The following NCAM2 variants were observed in gnomAD, a reference collection of about 807,000 sequenced individuals.
The protein encoded by NCAM2 is neural cell adhesion molecule 2.
NCAM2 carries 30 observed loss-of-function variants against 98.1 expected under a neutral mutation model. That is an observed-to-expected ratio of 0.31 (90% CI 0.23 to 0.41). The LOEUF (loss-of-function observed/expected upper bound fraction) is 0.41. Ranked by LOEUF, NCAM2 falls within the 10% of genes least tolerant of loss-of-function variation. The pLI is 1.00. For missense variants in NCAM2, 867 were observed against 1,005.8 expected (o/e 0.86, Z 1.87); for synonymous variants, 368 against 342.4 (o/e 1.07, Z -0.83).
chr21:21,514,472 CAAAAAAAAAAAAA>C (rs56710788), intron 16 of NCAM2, among the ~76,000 whole-genome samples: 1 of 127,666 alleles, frequency 7.8e-6, no homozygotes, highest in African/African-American at 3.0e-5. Flanking sequence ...TCTCAAAAAA[CAAAAAAAAAAAAA>C]AAAAAAAAAA....
At chr21:21,055,456 T>G (rs1203342419) in intron 1 of NCAM2, among the ~76,000 whole-genome samples, 1 of 152,070 alleles carries the variant, frequency 6.6e-6, no homozygotes, top group African/African-American at 2.4e-5. Flanking sequence ...TAATGACAGT[T>G]TTAATGTATT....
At chr21:21,308,829 G>T (rs1043054295) in intron 5 of NCAM2, among the ~76,000 whole-genome samples, 1 of 151,726 alleles carries the variant, frequency 6.6e-6, no homozygotes, top group Non-Finnish European at 1.5e-5. Context: ...TTTCATTTTT[G>T]ATCATTTTCT....
At chr21:21,448,828 A>C (rs572809270) in intron 12 of NCAM2, among the ~76,000 whole-genome samples, 2 of 152,222 alleles carry the variant, frequency 1.3e-5, no homozygotes, top group South Asian at 2.1e-4. Context: ...TTTTCAGTGA[A>C]AGAAAATTTG....
At chr21:21,025,710 A>C (rs2064531738) in intron 1 of NCAM2, among the ~76,000 whole-genome samples, 1 of 152,140 alleles carries the variant, frequency 6.6e-6, no homozygotes, top group South Asian at 2.1e-4. Flanking sequence ...AAATAATGGA[A>C]ATAACTAGTA....
intron 11 of NCAM2, 95 bp downstream of exon 11, chr21:21,418,664 A>T: frequency 2.3e-6 from 2 of 875,308 alleles, no homozygotes; most frequent in Non-Finnish European, 3.9e-6. Flanking sequence ...TACATGTGGG[A>T]TTTAAAACAA....
chr21:21,151,670 C>G (rs143560660), intron 1 of NCAM2, among the ~76,000 whole-genome samples: 2 of 151,972 alleles, frequency 1.3e-5, no homozygotes, highest in African/African-American at 4.8e-5. Context: ...GAAATGACCT[C>G]CGTTATATCT....
chr21:21,285,125 A>G (rs2073056188), intron 3 of NCAM2, among the ~76,000 whole-genome samples: 1 of 151,932 alleles, frequency 6.6e-6, no homozygotes, highest in Non-Finnish European at 1.5e-5. Context: ...AATGGTACCT[A>G]TGTGATATAT....
At chr21:21,230,427 C>T (rs1272060803) in intron 1 of NCAM2, among the ~76,000 whole-genome samples, 3 of 151,100 alleles carry the variant, frequency 2.0e-5, no homozygotes, top group Non-Finnish European at 4.5e-5. Flanking sequence ...ATTTTGTTTC[C>T]ATTATGTGAT....
chr21:21,308,822 C>A (rs140483080), intron 5 of NCAM2, among the ~76,000 whole-genome samples: 29 of 152,164 alleles, frequency 1.9e-4, no homozygotes, highest in African/African-American at 6.0e-4. Flanking sequence ...TCTTATCTTT[C>A]ATTTTTGATC....
chr21:21,056,523 T>C (rs7277681), intron 1 of NCAM2, among the ~76,000 whole-genome samples: 9,320 of 145,348 alleles, frequency 0.064, 312 homozygotes, highest in East Asian at 0.097. Context: ...TGTGTGTGTG[T>C]GCATGAGAGA....
At chr21:21,343,603 A>G (rs2147901129) in intron 8 of NCAM2, among the ~76,000 whole-genome samples, 1 of 152,236 alleles carries the variant, frequency 6.6e-6, no homozygotes, top group South Asian at 2.1e-4. Flanking sequence ...GAGGCAGTGA[A>G]CTCAGTCCTG....
rs1330121821 is a variant in NCAM2, at chr21:21,508,797, T to C, written c.2078-54T>C. 10 of 1,219,644 alleles carry C rather than the reference T, an allele frequency of 8.2e-6. No individual in the cohort carries two copies. The South Asian group carries it at 1.6e-4, about 19-fold the overall frequency. 75.6% of individuals were successfully genotyped at this position (1,219,644 alleles called of 1,614,324 possible). A position where few individuals can be genotyped will look rare whatever the true frequency, so the allele number is the denominator to read the frequency against. ...AATATTTTCTAATTTAGAGGTTTAA[T>C]ACTTTTTTTCCTTTTTTTTTTTTTT... On this transcript the variant is annotated intron_variant, in intron 15 of 17. Transcript: ENST00000400546.
rs540636968 is a variant in NCAM2 at position 21,147,711 on chromosome 21, A to G, written c.56-132867A>G. On this transcript the variant is annotated intron_variant, in intron 1 of 17. Transcript: ENST00000400546. ...CACATACATCAAAAACATACATATT[A>G]TATACTATATATAATATATAGTAAT... Among the ~76,000 whole-genome samples, 120 of 145,630 alleles carry G rather than the reference A, an allele frequency of 8.2e-4. 1 individual carries two copies. Among genetic ancestry groups the G allele is most frequent in the South Asian group, 3.2e-3 (15 of 4,620 alleles).
intron 8 of NCAM2, among the ~76,000 whole-genome samples, chr21:21,357,592 G>A (rs2075525086): frequency 6.6e-6 from 1 of 151,988 alleles, no homozygotes; most frequent in African/African-American, 2.4e-5. Context: ...TTATAGCATT[G>A]TCTTTAAGAT....
chr21:21,205,357 A>G (rs2069397931), intron 1 of NCAM2, among the ~76,000 whole-genome samples: 1 of 152,120 alleles, frequency 6.6e-6, no homozygotes, highest in Non-Finnish European at 1.5e-5. Context: ...TAGTCTGTGG[A>G]TACTACTGCG....
intron 1 of NCAM2, among the ~76,000 whole-genome samples, chr21:21,066,241 A>G (rs1013691733): frequency 9.2e-5 from 14 of 152,196 alleles, no homozygotes; most frequent in African/African-American, 2.7e-4. Context: ...TTTTATGGTC[A>G]GAGTTTCGTC....
intron 8 of NCAM2, among the ~76,000 whole-genome samples, chr21:21,368,091 T>G (rs990955756): frequency 1.3e-5 from 2 of 151,860 alleles, no homozygotes; most frequent in African/African-American, 4.8e-5. Context: ...ATTTTAAATA[T>G]TATTTTTAAA....
At chr21:21,415,843 T>G (rs1322003834) in intron 10 of NCAM2, among the ~76,000 whole-genome samples, 1 of 152,216 alleles carries the variant, frequency 6.6e-6, no homozygotes, top group East Asian at 1.9e-4. Context: ...GCTTGGGCTT[T>G]GGCTTAAGGG....
At chr21:21,470,386 A>T (rs953701957) in intron 14 of NCAM2, among the ~76,000 whole-genome samples, 6 of 152,126 alleles carry the variant, frequency 3.9e-5, no homozygotes, top group Non-Finnish European at 7.4e-5. Context: ...ACACAGATGG[A>T]TAGAAATAAG....
Sources: allele counts gnomAD v4.1 joint callset (sites outside exome capture counted in the v4.1 genomes callset), GRCh38; gene constraint gnomAD v4.1.1; transcripts MANE v1.5; gene names NCBI Gene and HGNC (gene_info 2026-07-23, HGNC 2026-07-21).